ENOX1: variants seen among roughly 807,000 people sequenced by gnomAD.
ENOX1 encodes ecto-NOX disulfide-thiol exchanger 1.
A neutral mutation model predicts 82.5 loss-of-function variants in ENOX1; 42 were observed. That is an observed-to-expected ratio of 0.51 (90% CI 0.40 to 0.66). ENOX1 has a LOEUF of 0.66. ENOX1 is among the 30% of genes least tolerant of loss of function. The pLI, the probability that ENOX1 is intolerant of heterozygous loss-of-function variation, is 0.00. For missense variants in ENOX1, 608 were observed against 811.6 expected (o/e 0.75, Z 3.05); for synonymous variants, 271 against 282.2 (o/e 0.96, Z 0.40).
intron 15 of ENOX1, among the ~76,000 whole-genome samples, chr13:43,229,403 C>T (rs148911179): frequency 1.3e-5 from 2 of 152,238 alleles, no homozygotes; most frequent in Non-Finnish European, 2.9e-5. Flanking sequence ...ATTCCAGGTA[C>T]AGGCCACATA....
At chr13:43,778,926 G>C (rs969022586) in intron 1 of ENOX1, among the ~76,000 whole-genome samples, 1 of 152,164 alleles carries the variant, frequency 6.6e-6, no homozygotes, top group African/African-American at 2.4e-5. Flanking sequence ...TCTATGTCAT[G>C]CTGACTGTTT....
intron 2 of ENOX1, among the ~76,000 whole-genome samples, chr13:43,522,757 A>G (rs1057237801): frequency 6.6e-6 from 1 of 152,196 alleles, no homozygotes; most frequent in Non-Finnish European, 1.5e-5. Context: ...GTAAAAAAAT[A>G]AAGAATGACT....
intron 2 of ENOX1, among the ~76,000 whole-genome samples, chr13:43,665,821 C>A (rs1056537705): frequency 6.6e-6 from 1 of 151,288 alleles, no homozygotes. Context: ...TACCTGCCCA[C>A]CTCTGGTCAC....
rs201491498 is a variant in ENOX1 at position 43,608,456 on chromosome 13, T to A, written c.-219+59023A>T. On this transcript the variant is annotated intron_variant, in intron 2 of 16. Coordinates refer to ENST00000690772, the MANE Select transcript of ENOX1 (RefSeq NM_001347969.2). The stretch of plus-strand genomic sequence containing the variant: ...CATCTTTCTAGAATACATTTTCCCG[T>A]GTTTATCTTTGAAAGAGTACACTGA... Among the ~76,000 whole-genome samples the A allele has an allele frequency of 3.9e-5, 6 of 152,312 alleles. No individual in the cohort carries two copies. In the East Asian group the frequency reaches 9.7e-4, roughly 25 times the overall value.
Position 43,298,476 on chromosome 13 carries a change from T to G in ENOX1, c.1316A>C (p.Gln439Pro), listed in dbSNP as rs771937846. The change falls in exon 12 of 17, where the codon CAG (glutamine) becomes CCG (proline). Residue 439 changes from glutamine to proline, a missense_variant. By Grantham distance (76) the Gln-to-Pro change is moderately conservative. Coordinates refer to ENST00000690772, the MANE Select transcript of ENOX1 (RefSeq NM_001347969.2). ...CACCTCATTCCTGTAGGCATCCAGC[T>G]GCCAGCGGAGACTGTCATTCTCCTC... Reference protein sequence around the residue: ...LKEENDSLRWQLDAYRNEVEL... With the variant: ...LKEENDSLRWPLDAYRNEVEL... The G allele has an allele frequency of 6.2e-7, 1 of 1,614,050 alleles. No homozygotes were observed. Among genetic ancestry groups the G allele is most frequent in the Non-Finnish European group, 8.5e-7 (1 of 1,180,012 alleles).
chr13:43,412,127 G>A, intron 4 of ENOX1, 74 bp from the exon 5 acceptor site: 1 of 1,537,372 alleles, frequency 6.5e-7, no homozygotes, highest in South Asian at 1.2e-5. Flanking sequence ...CACATTTCTA[G>A]ATATGTGAGG....
intron 12 of ENOX1, among the ~76,000 whole-genome samples, chr13:43,277,169 T>C (rs933580139): frequency 1.3e-5 from 2 of 152,240 alleles, no homozygotes; most frequent in Non-Finnish European, 2.9e-5. Context: ...TTTAATTCCT[T>C]GGGTCTTTCC....
At chr13:43,526,157 A>G (rs2077983250) in intron 2 of ENOX1, among the ~76,000 whole-genome samples, 1 of 152,188 alleles carries the variant, frequency 6.6e-6, no homozygotes, top group African/African-American at 2.4e-5. Context: ...TTCTTTCAAT[A>G]GTGGCAGACA....
At chr13:43,758,242 A>C (rs1950760728) in intron 1 of ENOX1, among the ~76,000 whole-genome samples, 3 of 152,174 alleles carry the variant, frequency 2.0e-5, no homozygotes, top group Non-Finnish European at 4.4e-5. Flanking sequence ...CTCAAAAAAA[A>C]ACAAAAAAAC....
At chr13:43,616,521 T>C (rs1222143242) in intron 2 of ENOX1, among the ~76,000 whole-genome samples, 1 of 151,854 alleles carries the variant, frequency 6.6e-6, no homozygotes, top group Non-Finnish European at 1.5e-5. Context: ...TATTTTTAAA[T>C]CCTTTCAATA....
At chr13:43,781,401 G>GGA (rs1461202246) in intron 1 of ENOX1, among the ~76,000 whole-genome samples, 2 of 152,012 alleles carry the variant, frequency 1.3e-5, no homozygotes, top group Non-Finnish European at 2.9e-5. Flanking sequence ...TTTTCCAGAG[G>GGA]GAGTAATTCA....
At chr13:43,771,579 A>C (rs1390559491) in intron 1 of ENOX1, among the ~76,000 whole-genome samples, 1 of 152,190 alleles carries the variant, frequency 6.6e-6, no homozygotes, top group Non-Finnish European at 1.5e-5. Context: ...TGAGTGCTGT[A>C]GATTCAGGCT....
At chr13:43,416,294 T>G (rs9567182) in intron 3 of ENOX1, among the ~76,000 whole-genome samples, 1 of 65,294 alleles carries the variant, frequency 1.5e-5, no homozygotes, top group African/African-American at 5.1e-5. Context: ...CGGGCAGAGA[T>G]GCTCCCCACT....
chr13:43,425,451 A>T (rs1335150447), intron 3 of ENOX1, among the ~76,000 whole-genome samples: 2 of 152,196 alleles, frequency 1.3e-5, no homozygotes, highest in Non-Finnish European at 2.9e-5. Context: ...CCCCATTAAC[A>T]CATTCTCCTT....
chr13:43,466,711 CA>C (rs2057741621), intron 3 of ENOX1, among the ~76,000 whole-genome samples: 1 of 152,142 alleles, frequency 6.6e-6, no homozygotes, highest in South Asian at 2.1e-4. Context: ...AGTACATTCA[CA>C]AAGTTGTGTG....
At chr13:43,296,634 A>G (rs1408668950) in intron 12 of ENOX1, among the ~76,000 whole-genome samples, 1 of 152,224 alleles carries the variant, frequency 6.6e-6, no homozygotes, top group East Asian at 1.9e-4. Context: ...GAATCCCTCC[A>G]TCAGGAGGAT....
intron 1 of ENOX1, among the ~76,000 whole-genome samples, chr13:43,723,713 G>T (rs2088729322): frequency 6.6e-6 from 1 of 151,962 alleles, no homozygotes; most frequent in African/African-American, 2.4e-5. Context: ...TTCTGTCCAG[G>T]TGTTGCTATA....
chr13:43,598,333 G>A (rs960583722), intron 2 of ENOX1, among the ~76,000 whole-genome samples: 2 of 152,134 alleles, frequency 1.3e-5, no homozygotes, highest in Non-Finnish European at 2.9e-5. Flanking sequence ...TTTCTCCACA[G>A]AACCTTAGTG....
intron 5 of ENOX1, among the ~76,000 whole-genome samples, chr13:43,388,348 T>C (rs929785251): frequency 6.6e-6 from 1 of 152,194 alleles, no homozygotes. Context: ...CCTATATTAA[T>C]AAATTTGGTT....
Sources: allele counts gnomAD v4.1 joint callset (sites outside exome capture counted in the v4.1 genomes callset), GRCh38; gene constraint gnomAD v4.1.1; transcripts MANE v1.5; gene names NCBI Gene and HGNC (gene_info 2026-07-23, HGNC 2026-07-21).